DSE: variants seen among roughly 807,000 people sequenced by gnomAD.
The protein encoded by DSE is dermatan-sulfate epimerase.
Under a neutral mutation model 84.4 loss-of-function variants are expected in DSE, and 36 were observed. The ratio of observed to expected loss-of-function variants is 0.43; its 90% CI spans 0.33 to 0.56. The LOEUF (loss-of-function observed/expected upper bound fraction) is 0.56, where lower values mean the gene tolerates loss of function less well. DSE is among the 20% of genes least tolerant of loss of function. DSE has a pLI of 0.06. For missense variants in DSE, 862 were observed against 1,169.6 expected, an observed-to-expected ratio of 0.74 and a Z score of 3.84; for synonymous variants, 410 against 430.1, an observed-to-expected ratio of 0.95 and a Z score of 0.58.
intron 2 of DSE, among the ~76,000 whole-genome samples, chr6:116,301,280 G>A (rs948677589): frequency 2.6e-5 from 4 of 152,160 alleles, no homozygotes; most frequent in African/African-American, 4.8e-5. Context: ...GGGCAGTGCT[G>A]AGGACCCATC....
At chr6:116,274,420 G>A (rs1194328525) in intron 2 of DSE, among the ~76,000 whole-genome samples, 2 of 151,744 alleles carry the variant, frequency 1.3e-5, no homozygotes, top group Non-Finnish European at 2.9e-5. Context: ...AAAATTAGCC[G>A]GGCGTGGTGG....
At chr6:116,341,208 A>C (rs1777568278) in intron 2 of DSE, among the ~76,000 whole-genome samples, 2 of 152,076 alleles carry the variant, frequency 1.3e-5, no homozygotes, top group Non-Finnish European at 2.9e-5. Context: ...TCTCATTGTG[A>C]ATTTGATTTG....
In DSE at chr6:116,312,255, CTACT is replaced by C. The variant is rs201553572; in HGVS notation, c.-54+53291_-54+53294del. On this transcript the variant is annotated intron_variant, in intron 2 of 3. Coordinates refer to the DSE transcript ENST00000430252. ...TTTGAGCTTTGAGTTATGTAATGTG[CTACT>C]TAATTTAAAAATAACCTCCATAAAT... Among the ~76,000 whole-genome samples the C allele has an allele frequency of 5.1e-4, 78 of 152,228 alleles. 2 individuals carry two copies. In the East Asian group the frequency reaches 0.014, roughly 27 times the overall value.
At chr6:116,397,422 G>A (rs930725897) in intron 1 of DSE, among the ~76,000 whole-genome samples, 1 of 151,800 alleles carries the variant, frequency 6.6e-6, no homozygotes, top group Non-Finnish European at 1.5e-5. Flanking sequence ...GGCCAGGATG[G>A]TCTTCAACTC....
In DSE at chr6:116,279,429, G is replaced by C. The variant is rs747481852; in HGVS notation, c.-54+20462G>C. On this transcript the variant is annotated intron_variant, in intron 2 of 3. Coordinates refer to the DSE transcript ENST00000430252. Reference sequence around the variant, plus strand: ...CAGACGCGGATCTCTGGGCGCCACAGATTTCTAGGGCCTTCTCTCCACCCT... The same window carrying C: ...CAGACGCGGATCTCTGGGCGCCACACATTTCTAGGGCCTTCTCTCCACCCT... The C allele has an allele frequency of 2.4e-5, 38 of 1,613,384 alleles. No individual in the cohort carries two copies. The Middle Eastern group carries it at 8.2e-4, about 35-fold the overall frequency.
At chr6:116,350,834 G>A (rs1778268000) in intron 2 of DSE, among the ~76,000 whole-genome samples, 1 of 151,648 alleles carries the variant, frequency 6.6e-6, no homozygotes, top group South Asian at 2.1e-4. Flanking sequence ...TAGCTTTTGG[G>A]TCTTTTCCAT....
intron 2 of DSE, chr6:116,279,037 A>C (rs1274853946): frequency 6.2e-7 from 1 of 1,613,494 alleles, no homozygotes; most frequent in African/African-American, 1.3e-5. Context: ...CCTCCGCTCC[A>C]GGTAGTGTCG....
chr6:116,285,332 C>G (rs1214118046), intron 2 of DSE, among the ~76,000 whole-genome samples: 1 of 152,134 alleles, frequency 6.6e-6, no homozygotes, highest in Non-Finnish European at 1.5e-5. Context: ...TGAGAAGTGA[C>G]TGTTCATATC....
chr6:116,277,660 A>C (rs1285800792), intron 2 of DSE: 1 of 151,990 alleles, frequency 6.6e-6, no homozygotes, highest in African/African-American at 2.4e-5. Flanking sequence ...TTAAGAGAGG[A>C]TTGGGAGGCT....
At chr6:116,333,821 A>G (rs1475387555) in intron 2 of DSE, among the ~76,000 whole-genome samples, 1 of 152,180 alleles carries the variant, frequency 6.6e-6, no homozygotes, top group Non-Finnish European at 1.5e-5. Flanking sequence ...CACTTTAATT[A>G]CATTACTTGA....
chr6:116,350,590 T>C (rs1012212215), intron 2 of DSE, among the ~76,000 whole-genome samples: 2 of 152,302 alleles, frequency 1.3e-5, no homozygotes, highest in Non-Finnish European at 2.9e-5. Flanking sequence ...ACTGACACAA[T>C]TGTCTATTCT....
chr6:116,267,569 T>G (rs1278063829), intron 2 of DSE, among the ~76,000 whole-genome samples: 1 of 152,122 alleles, frequency 6.6e-6, no homozygotes, highest in Non-Finnish European at 1.5e-5. Context: ...TTTAAAAAGT[T>G]AAAACATAAA....
upstream of DSE, chr6:116,367,091 G>A (rs1779208042): frequency 6.6e-6 from 1 of 152,264 alleles, no homozygotes; most frequent in Non-Finnish European, 1.5e-5. Context: ...AGAAGATCAT[G>A]TCAGCGCTGA....
intron 2 of DSE, among the ~76,000 whole-genome samples, chr6:116,289,822 T>C (rs1253262949): frequency 6.6e-6 from 1 of 152,118 alleles, no homozygotes; most frequent in Non-Finnish European, 1.5e-5. Flanking sequence ...GTGAGTTCTT[T>C]GGCTCTGAGA....
At chr6:116,406,994 T>C (rs751951980) in intron 2 of DSE, among the ~76,000 whole-genome samples, 3 of 151,928 alleles carry the variant, frequency 2.0e-5, no homozygotes, top group Admixed American at 2.0e-4. Context: ...GTTAAAACAG[T>C]GAGGGTGGGG....
chr6:116,303,154 A>G (rs1004652465), intron 2 of DSE, among the ~76,000 whole-genome samples: 2 of 151,616 alleles, frequency 1.3e-5, no homozygotes, highest in African/African-American at 4.9e-5. Flanking sequence ...GCTTCTTTTT[A>G]TGCTATTTGC....
At chr6:116,278,070 T>C in intron 2 of DSE, 1 of 184,132 alleles carries the variant, frequency 5.4e-6, no homozygotes, top group Non-Finnish European at 1.2e-5. Context: ...TTTTCTCCTC[T>C]GAGTTCATTA....
At chr6:116,430,781 C>T (rs551919439) in intron 3 of DSE, among the ~76,000 whole-genome samples, 173 bp from the exon 4 acceptor site, 1 of 66,866 alleles carries the variant, frequency 1.5e-5, no homozygotes, top group African/African-American at 6.7e-5. Flanking sequence ...ACATCATGGA[C>T]TGTCACAACC....
chr6:116,255,837 T>C (rs552111527), intron 1 of DSE: 1 of 152,362 alleles, frequency 6.6e-6, no homozygotes, highest in African/African-American at 2.4e-5. Context: ...TTTGCTACTA[T>C]ACAAATTTAT....
Sources: gnomAD v4.1 joint callset for allele counts (sites outside exome capture counted in the v4.1 genomes callset) on GRCh38, gnomAD v4.1.1 for gene constraint, MANE v1.5 for transcripts, NCBI Gene and HGNC (gene_info 2026-07-23, HGNC 2026-07-21) for gene names.